MS4A18: variants seen among roughly 807,000 people sequenced by gnomAD.
The protein encoded by MS4A18 is membrane spanning 4-domains A18, also known as membrane-spanning 4-domains subfamily A member 18.
Under a neutral mutation model 13.1 loss-of-function variants are expected in MS4A18, and 27 were observed. The ratio of observed to expected loss-of-function variants is 2.06; its 90% CI spans 1.52 to 2.84. The LOEUF (loss-of-function observed/expected upper bound fraction) is 2.84, where lower values mean the gene tolerates loss of function less well. Among genes scored for constraint, MS4A18 ranks in the 30% most tolerant of loss-of-function variants. MS4A18 has a pLI of 0.00. For missense variants in MS4A18, 307 were observed against 196.4 expected, an observed-to-expected ratio of 1.56 and a Z score of -3.37; for synonymous variants, 126 against 76.5, an observed-to-expected ratio of 1.65 and a Z score of -3.38.
chr11:60,728,830 T>C (rs1374007403), upstream of MS4A18, among the ~76,000 whole-genome samples: 1 of 152,112 alleles, frequency 6.6e-6, no homozygotes, highest in African/African-American at 2.4e-5. Context: ...ACAACATACA[T>C]GTGACCCCTC....
upstream of MS4A18, among the ~76,000 whole-genome samples, chr11:60,728,993 G>A (rs939851541): frequency 1.2e-4 from 18 of 152,140 alleles, no homozygotes; most frequent in Non-Finnish European, 5.9e-5. Context: ...GGTAGCCTGT[G>A]CCCACTCAAC....
chr11:60,737,069 T>C (rs1428046958), intron 3 of MS4A18, 35 bp downstream of exon 4: 1 of 700,948 alleles, frequency 1.4e-6, no homozygotes, highest in African/African-American at 1.7e-5. Flanking sequence ...GATCCTTGAA[T>C]GTTAGAATTT....
Position 60,737,048 on chromosome 11 carries a change from CTG to C in MS4A18, c.648+16_648+17del, listed in dbSNP as rs1853353358. 1.4e-6 allele frequency: 1 copy of C among 701,638 alleles called. No individual in the cohort carries two copies. The highest frequency in any genetic ancestry group is 2.6e-6 in the Non-Finnish European group (1 of 384,798). The allele number at this position is 701,638 out of a possible 1,614,324, so 43.5% of individuals were successfully genotyped here. ...AGTCCTTGTGTGGTAAGTCACAGTG[CTG>C]TCTTTGATGATCCTTGAATGTTAGA... On this transcript the variant is annotated intron_variant, in intron 3 of 5. Transcript: ENST00000529108.
intron 5 of MS4A18, among the ~76,000 whole-genome samples, chr11:60,743,325 A>T (rs1253797545): frequency 6.6e-6 from 1 of 152,262 alleles, no homozygotes; most frequent in Non-Finnish European, 1.5e-5. Context: ...AGTATTGGGC[A>T]GTCCCACATG....
chr11:60,729,629 C>T (rs1011020931), exon 1 of MS4A18: 38 of 702,640 alleles, frequency 5.4e-5, no homozygotes, highest in South Asian at 1.8e-4. Context: ...CAGGGAACCA[C>T]GAATCTCCAG....
exon 6 of MS4A18, chr11:60,743,929 A>G (rs1397715445): frequency 4.3e-6 from 3 of 702,942 alleles, no homozygotes; most frequent in Non-Finnish European, 7.8e-6. Flanking sequence ...TGCCAAAGCT[A>G]CCACCAGTTG....
chr11:60,730,963 G>A (rs995192535), intron 1 of MS4A18, among the ~76,000 whole-genome samples: 15 of 152,048 alleles, frequency 9.9e-5, no homozygotes, highest in Non-Finnish European at 2.1e-4. Flanking sequence ...GTGTGGTGGC[G>A]GGTGCCTGTA....
intron 2 of MS4A18, among the ~76,000 whole-genome samples, chr11:60,733,987 T>G (rs1590963053): frequency 6.6e-6 from 1 of 152,136 alleles, no homozygotes; most frequent in Non-Finnish European, 1.5e-5. Flanking sequence ...CTCACGCAGG[T>G]AATCCCAGCA....
At chr11:60,728,501 CTGTG>C (rs558469275), upstream of MS4A18, among the ~76,000 whole-genome samples, 229 of 149,310 alleles carry the variant, frequency 1.5e-3, 1 homozygote, top group South Asian at 0.015. Context: ...TTCCCTCTCT[CTGTG>C]TGTGTGTATG....
At chr11:60,742,269 G>A (rs932561883) in intron 5 of MS4A18, among the ~76,000 whole-genome samples, 3 of 152,182 alleles carry the variant, frequency 2.0e-5, no homozygotes, top group Non-Finnish European at 2.9e-5. Flanking sequence ...GGAAAGGCCT[G>A]TATTTTCCAC....
At chr11:60,728,963 G>A (rs1459106327), upstream of MS4A18, among the ~76,000 whole-genome samples, 2 of 152,150 alleles carry the variant, frequency 1.3e-5, no homozygotes, top group Non-Finnish European at 2.9e-5. Context: ...GCTTTGCCAG[G>A]GCAGGGGGCA....
upstream of MS4A18, among the ~76,000 whole-genome samples, chr11:60,728,400 A>ATG (rs1265882388): frequency 1.4e-5 from 2 of 143,900 alleles, no homozygotes; most frequent in African/African-American, 5.5e-5. Flanking sequence ...GTATGTGTGT[A>ATG]TGTATGTGTG....
chr11:60,726,089 A>G (rs1002559840), upstream of MS4A18, among the ~76,000 whole-genome samples: 5 of 152,232 alleles, frequency 3.3e-5, no homozygotes, highest in African/African-American at 1.2e-4. Context: ...GTGAAATGCA[A>G]ATAGCAGTCA....
At chr11:60,737,863 A>G (rs1590964538) in intron 3 of MS4A18, among the ~76,000 whole-genome samples, 1 of 152,064 alleles carries the variant, frequency 6.6e-6, no homozygotes, top group East Asian at 1.9e-4. Context: ...TGCAAGGCAA[A>G]CTCCTGTGGC....
chr11:60,728,305 T>G (rs192575663), upstream of MS4A18, among the ~76,000 whole-genome samples: 1 of 152,272 alleles, frequency 6.6e-6, no homozygotes, highest in African/African-American at 2.4e-5. Context: ...AGTTATAGAC[T>G]TCAAGGACAG....
At chr11:60,735,500 ATTTTTTTTTT>A (rs56136215) in intron 2 of MS4A18, among the ~76,000 whole-genome samples, 1 of 110,102 alleles carries the variant, frequency 9.1e-6, no homozygotes, top group Non-Finnish European at 1.8e-5. Context: ...TGCCCGGCTA[ATTTTTTTTTT>A]TTTTTTTTTT....
intron 3 of MS4A18, among the ~76,000 whole-genome samples, chr11:60,737,854 G>A (rs1590964531): frequency 6.6e-6 from 1 of 152,284 alleles, no homozygotes. Context: ...TCTCCAGTCT[G>A]CAAGGCAAAC....
rs1325854577 is a variant in MS4A18 at position 60,737,045 on chromosome 11, G to T, written c.648+11G>T. ...CCCAGTCCTTGTGTGGTAAGTCACA[G>T]TGCTGTCTTTGATGATCCTTGAATG... On this transcript the variant is annotated intron_variant, in intron 3 of 5. Transcript: ENST00000529108. The T allele has an allele frequency of 1.4e-6, 1 of 702,250 alleles. No individual in the cohort carries two copies. The allele number at this position is 702,250 out of a possible 1,614,324, so 43.5% of individuals were successfully genotyped here. A position where few individuals can be genotyped will look rare whatever the true frequency, so the allele number is the denominator to read the frequency against.
At chr11:60,734,098 T>C (rs1231788022) in intron 2 of MS4A18, among the ~76,000 whole-genome samples, 2 of 151,734 alleles carry the variant, frequency 1.3e-5, no homozygotes, top group Non-Finnish European at 2.9e-5. Flanking sequence ...TCTACAAAAA[T>C]ACAAAAAATT....
Sources: gnomAD v4.1 joint callset for allele counts (sites outside exome capture counted in the v4.1 genomes callset) on GRCh38, gnomAD v4.1.1 for gene constraint, MANE v1.5 for transcripts, NCBI Gene and HGNC (gene_info 2026-07-23, HGNC 2026-07-21) for gene names.